Variants in WAPL observed in about 807,000 individuals in gnomAD.
The protein encoded by WAPL is wings apart-like protein homolog.
WAPL carries 5 observed loss-of-function variants against 121.0 expected under a neutral mutation model. That is an observed-to-expected ratio of 0.04 (90% CI 0.02 to 0.09). The LOEUF is 0.09. Ranked by LOEUF, WAPL falls within the 10% of genes least tolerant of loss-of-function variation. The pLI, the probability that WAPL is intolerant of heterozygous loss-of-function variation, is 1.00. For missense variants in WAPL, 999 were observed against 1,410.8 expected (o/e 0.71, Z 4.68); for synonymous variants, 480 against 481.5 (o/e 1.00, Z 0.04).
At chr10:86,484,778 T>C (rs1267656779) in intron 4 of WAPL, among the ~76,000 whole-genome samples, 5 of 152,182 alleles carry the variant, frequency 3.3e-5, no homozygotes, top group Non-Finnish European at 5.9e-5. Context: ...GTGTTACAAC[T>C]GCCTACAATA....
chr10:86,502,811 T>C (rs1466372903), intron 2 of WAPL, among the ~76,000 whole-genome samples: 3 of 152,158 alleles, frequency 2.0e-5, no homozygotes, highest in Admixed American at 1.3e-4. Context: ...AGAGACTTCA[T>C]AAAAAAGACC....
Position 86,521,651 on chromosome 10 carries a change from C to T in WAPL, c.-309G>A. The T allele has an allele frequency of 4.3e-6, 2 of 462,036 alleles. No individual in the cohort carries two copies. Among genetic ancestry groups the T allele is most frequent in the South Asian group, 3.2e-5 (2 of 63,318 alleles). The allele number at this position is 462,036 out of a possible 1,614,324, so 28.6% of individuals were successfully genotyped here. ...TAACAGAGCCTGCTGTGTGCCCCCG[C>T]TGGGCCGCCGCCGCCTCCTGCGCCG... On this transcript the variant is annotated 5_prime_UTR_variant, in exon 1 of 19. Transcript: ENST00000298767.
intron 9 of WAPL, among the ~76,000 whole-genome samples, chr10:86,462,584 G>A (rs1026874945): frequency 2.6e-5 from 4 of 151,988 alleles, no homozygotes; most frequent in Admixed American, 2.6e-4. Flanking sequence ...GCTGGGCGTG[G>A]TGGTGGGTGC....
chr10:86,461,103 G>A lies in WAPL; in HGVS notation c.2482+73C>T, dbSNP rs939624595. On this transcript the variant is annotated intron_variant, in intron 10 of 18. Transcript: ENST00000298767. Reference sequence around the variant, plus strand: ...TTCCAAACTGATACAATTATTTTTTGAAGTACGTCAATGGAGTATTTTCTT... The same window carrying A: ...TTCCAAACTGATACAATTATTTTTTAAAGTACGTCAATGGAGTATTTTCTT... 10 of 1,102,714 alleles carry A rather than the reference G, an allele frequency of 9.1e-6. No individual in the cohort carries two copies. In the African/African-American group the frequency reaches 1.6e-4, roughly 18 times the overall value. 68.3% of individuals were successfully genotyped at this position (1,102,714 alleles called of 1,614,324 possible).
intron 2 of WAPL, among the ~76,000 whole-genome samples, chr10:86,505,577 G>A (rs1842334046): frequency 6.6e-6 from 1 of 151,850 alleles, no homozygotes; most frequent in Non-Finnish European, 1.5e-5. Context: ...ATGAGCCACC[G>A]CGCCCGGTCA....
intron 8 of WAPL, 133 bp downstream of exon 8, chr10:86,470,859 T>C (rs1008955735): frequency 1.4e-6 from 1 of 708,916 alleles, no homozygotes; most frequent in Non-Finnish European, 2.2e-6. Context: ...GCACTACAAA[T>C]TTAGCAAATA....
At chr10:86,450,202 T>A (rs1840943894) in intron 15 of WAPL, among the ~76,000 whole-genome samples, 2 of 152,342 alleles carry the variant, frequency 1.3e-5, no homozygotes, top group South Asian at 4.1e-4. Context: ...ATAAAAAGTT[T>A]AAAAACAAGT....
intron 12 of WAPL, among the ~76,000 whole-genome samples, chr10:86,454,261 T>C (rs1404289450): frequency 2.0e-5 from 3 of 152,216 alleles, no homozygotes; most frequent in Non-Finnish European, 4.4e-5. Flanking sequence ...ACTACCAACG[T>C]TGACAGTATA....
intron 9 of WAPL, among the ~76,000 whole-genome samples, chr10:86,462,346 A>G (rs1479758147): frequency 6.6e-6 from 1 of 152,224 alleles, no homozygotes; most frequent in Admixed American, 6.5e-5. Context: ...AATACAAATA[A>G]CAGATATTAC....
intron 8 of WAPL, among the ~76,000 whole-genome samples, chr10:86,469,480 C>T (rs1292433087): frequency 6.6e-6 from 1 of 151,784 alleles, no homozygotes; most frequent in African/African-American, 2.4e-5. Flanking sequence ...TCTCGAACTC[C>T]TAAACTCAGG....
At chr10:86,474,597 C>T (rs7078111) in intron 4 of WAPL, among the ~76,000 whole-genome samples, 4,662 of 151,740 alleles carry the variant, frequency 0.031, 263 homozygotes, top group African/African-American at 0.11. Context: ...GGCATGATGG[C>T]TCATGCCTGT....
At chr10:86,448,907 C>A (rs577299224) in intron 15 of WAPL, among the ~76,000 whole-genome samples, 1 of 152,194 alleles carries the variant, frequency 6.6e-6, no homozygotes, top group South Asian at 2.1e-4. Context: ...CAGGCATGAG[C>A]CACCATGTCT....
rs1340796155 is a variant in WAPL, at chr10:86,438,022, A to C, written c.3412-7T>G. The C allele has an allele frequency of 6.2e-7, 1 of 1,604,174 alleles. No individual in the cohort carries two copies. Among genetic ancestry groups the C allele is most frequent in the Admixed American group, 1.7e-5 (1 of 59,150 alleles). ...GCACAGTGGTTACATTGATCTGAGG[A>C]AACAGAGCAAGAAATATTGGTCAGC... is the stretch of plus-strand genomic sequence containing the variant. On this transcript the variant is annotated splice_polypyrimidine_tract_variant and splice_region_variant and intron_variant, in intron 17 of 18. Transcript: ENST00000298767.
intron 4 of WAPL, among the ~76,000 whole-genome samples, chr10:86,496,657 C>G (rs765292744): frequency 6.6e-6 from 1 of 151,990 alleles, no homozygotes; most frequent in Non-Finnish European, 1.5e-5. Flanking sequence ...ATATATCTTA[C>G]ATACAATGGA....
chr10:86,455,705 G>GAAAAAAAAAAAAAAAAAAAAAAAAA (rs1333302675), intron 12 of WAPL, among the ~76,000 whole-genome samples: 1 of 109,274 alleles, frequency 9.2e-6, no homozygotes, highest in Non-Finnish European at 2.1e-5. Flanking sequence ...AAGAAAGAAA[G>GAAAAAAAAAAAAAAAAAAAAAAAAA]AAAAAAAAAG....
rs182632557 is a variant in WAPL, at chr10:86,492,300, T to C, written c.1644+4901A>G. On this transcript the variant is annotated intron_variant, in intron 4 of 18. Coordinates refer to ENST00000298767, the MANE Select transcript of WAPL (RefSeq NM_015045.5). ...TATTAAATGTGTAAGAAATAACGAT[T>C]AGAAAACTCATCATTCTGTAACTCG... Among the ~76,000 whole-genome samples the C allele has an allele frequency of 3.9e-3, 595 of 152,272 alleles. 5 individuals carry two copies. The highest frequency in any genetic ancestry group is 0.013 in the African/African-American group (554 of 41,576).
At chr10:86,466,233 T>G (rs532399314) in intron 9 of WAPL, among the ~76,000 whole-genome samples, 1 of 152,170 alleles carries the variant, frequency 6.6e-6, no homozygotes, top group Non-Finnish European at 1.5e-5. Context: ...ATGAAGCAGT[T>G]AGACACCCTG....
chr10:86,504,821 TGACAACAAAA>T (rs1314094131), intron 2 of WAPL, among the ~76,000 whole-genome samples: 1 of 151,926 alleles, frequency 6.6e-6, no homozygotes, highest in Non-Finnish European at 1.5e-5. Context: ...GGCTCCATCT[TGACAACAAAA>T]AACAACAAAA....
Position 86,452,136 on chromosome 10 carries a change from A to C in WAPL, c.2950-5T>G. 1 of 1,612,068 alleles carries C rather than the reference A, an allele frequency of 6.2e-7. No homozygotes were observed. Among genetic ancestry groups the C allele is most frequent in the Non-Finnish European group, 8.5e-7 (1 of 1,179,210 alleles). The stretch of plus-strand genomic sequence containing the variant: ...ATTTATCAGCAGACCTAAGCCCTTC[A>C]AAAAGTTTAAAAGACACATATTATC... On this transcript the variant is annotated splice_polypyrimidine_tract_variant and splice_region_variant and intron_variant, in intron 14 of 18. Coordinates refer to ENST00000298767, the MANE Select transcript of WAPL (RefSeq NM_015045.5).
Sources: allele counts gnomAD v4.1 joint callset (sites outside exome capture counted in the v4.1 genomes callset), GRCh38; gene constraint gnomAD v4.1.1; transcripts MANE v1.5; gene names NCBI Gene and HGNC (gene_info 2026-07-23, HGNC 2026-07-21).